The following PARG variants were observed in gnomAD, a reference collection of about 807,000 sequenced individuals.
PARG encodes mitochondrial poly(ADP-ribose) glycohydrolase.
In PARG, 35 loss-of-function variants were observed where a neutral mutation model predicts 113.0. That is an observed-to-expected ratio of 0.31 (90% CI 0.24 to 0.41). The LOEUF (loss-of-function observed/expected upper bound fraction) is 0.41, where lower values mean the gene tolerates loss of function less well. Among genes scored for constraint, PARG ranks in the 10% least tolerant of loss-of-function variants. The pLI, the probability that PARG is intolerant of heterozygous loss-of-function variation, is 1.00. For missense variants in PARG, 797 were observed against 1,169.4 expected (o/e 0.68, Z 4.64); for synonymous variants, 330 against 409.9 (o/e 0.81, Z 2.36).
chr10:49,933,324 C>G lies in PARG; in HGVS notation c.1124G>C (p.Ser375Thr), dbSNP rs1266322622. 1.4e-5 allele frequency: 22 copies of G among 1,611,564 alleles called. No homozygotes were observed. Among genetic ancestry groups the G allele is most frequent in the Non-Finnish European group, 1.6e-5 (19 of 1,178,004 alleles). Residue 375 changes from serine (S) to threonine (T), a missense_variant, in exon 3 of 18, where the codon AGT (serine) becomes ACT (threonine). Physicochemically the swap from Ser to Thr is moderately conservative, Grantham distance 58 (BLOSUM62 1). Around this residue, in one of 5 missense-constraint regions of PARG, gnomAD observed 252 missense variants for 437.4 expected, o/e 0.58. Transcript: ENST00000616448. ...RLHFQFEGGESRTGMNDLNAK... is the reference protein window; with the variant it reads ...RLHFQFEGGETRTGMNDLNAK... ...ATTTAAATCATTCATTCCAGTGCGA[C>G]TCTCTCCTCCTTCAAATTGGAAATG...
chr10:49,933,810 G>A lies in PARG; in HGVS notation c.638C>T (p.Thr213Ile), dbSNP rs1838612105. The A allele has an allele frequency of 5.0e-6, 8 of 1,613,320 alleles. No homozygotes were observed. Among genetic ancestry groups the A allele is most frequent in the Non-Finnish European group, 6.8e-6 (8 of 1,179,288 alleles). ...CTGCTTTGCATTTGCAAGCTTTACAGTTGTGAGAAACTGTTGATTGTCTCT... is the reference window on the plus strand; with the variant it reads ...CTGCTTTGCATTTGCAAGCTTTACAATTGTGAGAAACTGTTGATTGTCTCT... Reference protein sequence around the residue: ...ENRDNQQFLTTVKLANAKQTT... With the variant: ...ENRDNQQFLTIVKLANAKQTT... The change falls in exon 3 of 18, where the codon ACT becomes ATT. Residue 213 changes from threonine (T) to isoleucine (I), a missense_variant. By Grantham distance (89) the Thr-to-Ile change is moderately conservative. This residue lies in a region of PARG where 284 missense variants were observed against 306.1 expected (regional missense o/e 0.93). Transcript: ENST00000616448.
chr10:49,894,451 T>C (rs1847977320), intron 7 of PARG, among the ~76,000 whole-genome samples: 1 of 152,160 alleles, frequency 6.6e-6, no homozygotes, highest in South Asian at 2.1e-4. Flanking sequence ...CTGTAGGTCC[T>C]AGGAAATCTT....
chr10:49,873,437 G>A lies in PARG; in HGVS notation c.1989-3882C>T, dbSNP rs1217580314. Among the ~76,000 whole-genome samples, 11 of 150,838 alleles carry A rather than the reference G, an allele frequency of 7.3e-5. 1 individual carries two copies. The highest frequency in any genetic ancestry group is 6.8e-3 in the Middle Eastern group (2 of 294). On this transcript the variant is annotated intron_variant, in intron 9 of 17. Coordinates refer to ENST00000616448, the MANE Select transcript of PARG (RefSeq NM_003631.5). ...GGACTTTCAGTTGTTTGGCATTTCC[G>A]GAGCACTCAGAGCATTTTGCTCATG... is the stretch of plus-strand genomic sequence containing the variant.
At chr10:49,897,449 T>C (rs1314859150) in intron 7 of PARG, among the ~76,000 whole-genome samples, 2 of 152,206 alleles carry the variant, frequency 1.3e-5, no homozygotes, top group Non-Finnish European at 2.9e-5. Flanking sequence ...CAAATGTACA[T>C]ACTTGTATTA....
At chr10:49,920,466 ATATATATATAT>A (rs1564658313) in intron 6 of PARG, among the ~76,000 whole-genome samples, 109 of 70,594 alleles carry the variant, frequency 1.5e-3, no homozygotes, top group East Asian at 0.014. Context: ...AAAAAAAAAT[ATATATATATAT>A]ATATATATAT....
At chr10:49,832,976 C>G in intron 15 of PARG, 68 bp from the exon 16 acceptor site, 3 of 756,372 alleles carry the variant, frequency 4.0e-6, no homozygotes, top group Non-Finnish European at 6.4e-6. Context: ...GACTGATGTA[C>G]TAGGATCAGT....
chr10:49,864,240 C>T (rs564155793), intron 11 of PARG, among the ~76,000 whole-genome samples: 84 of 152,238 alleles, frequency 5.5e-4, no homozygotes, highest in African/African-American at 1.8e-3. Context: ...AAATGCTGTA[C>T]GTGTTCTCAT....
In PARG at chr10:49,820,264, C is replaced by T. The variant is rs748955887; in HGVS notation, c.2677G>A (p.Ala893Thr). Residue 893 changes from alanine (A) to threonine (T), a missense_variant, in exon 17 of 18, where the codon GCT becomes ACT. This residue lies in a region of PARG where 194 missense variants were observed against 247.1 expected (regional missense o/e 0.79). Coordinates refer to ENST00000616448, the MANE Select transcript of PARG (RefSeq NM_003631.5). ...GTGAAATAAACCACATCTCGCTCAGCTGCAGCAGCTGCCAATATCTGTATT... is the reference window on the plus strand; with the variant it reads ...GTGAAATAAACCACATCTCGCTCAGTTGCAGCAGCTGCCAATATCTGTATT... ...ALIQILAAAA[A>T]ERDVVYFTFG... 3.9e-6 allele frequency: 6 copies of T among 1,547,430 alleles called. No individual in the cohort carries two copies. In the Admixed American group the frequency reaches 7.8e-5, roughly 20 times the overall value.
Position 49,933,573 on chromosome 10 carries a change from G to A in PARG, c.875C>T (p.Pro292Leu), listed in dbSNP as rs1252452927. The change falls in exon 3 of 18, where the codon CCT becomes CTT. Residue 292 changes from proline (P) to leucine (L), a missense_variant. By Grantham distance (98) the Pro-to-Leu change is moderately conservative. This residue lies in a region of PARG where 284 missense variants were observed against 306.1 expected (regional missense o/e 0.93). Coordinates refer to ENST00000616448, the MANE Select transcript of PARG (RefSeq NM_003631.5). ...GGGTTCACTTTCCTTCTCAAATGGAGGAGAATTTCCTAGGCAACTTTCTTG... is the reference window on the plus strand; with the variant it reads ...GGGTTCACTTTCCTTCTCAAATGGAAGAGAATTTCCTAGGCAACTTTCTTG... The part of the protein sequence containing the change: ...TRQESCLGNS[P>L]PFEKESEPES... 6.2e-7 allele frequency: 1 copy of A among 1,611,456 alleles called. No individual in the cohort carries two copies. Among genetic ancestry groups the A allele is most frequent in the Non-Finnish European group, 8.5e-7 (1 of 1,177,872 alleles).
rs1564594692 is a variant in PARG, at chr10:49,828,097, A to AC, written c.2647+4705_2647+4706insG. Among the ~76,000 whole-genome samples, 4 of 143,280 alleles carry AC rather than the reference A, an allele frequency of 2.8e-5. No individual in the cohort carries two copies. In the Admixed American group the frequency reaches 2.9e-4, roughly 10 times the overall value. 94.0% of individuals were successfully genotyped at this position (143,280 alleles called of 152,430 possible). A position where few individuals can be genotyped will look rare whatever the true frequency, so the allele number is the denominator to read the frequency against. ...CGAGATGTAGAAAGCTTAAACAAAA[A>AC]AAAAAAAAAAAAAAAAAAAAAAAAA... On this transcript the variant is annotated intron_variant, in intron 16 of 17. Transcript: ENST00000616448.
chr10:49,837,108 G>T (rs1359893789), intron 15 of PARG, among the ~76,000 whole-genome samples: 1 of 152,098 alleles, frequency 6.6e-6, no homozygotes, highest in Non-Finnish European at 1.5e-5. Context: ...GATAGAAGGA[G>T]ACTGGTCCCC....
intron 7 of PARG, among the ~76,000 whole-genome samples, chr10:49,911,722 CT>C (rs1837196466): frequency 6.6e-6 from 1 of 150,736 alleles, no homozygotes; most frequent in South Asian, 2.1e-4. Context: ...CCAGGGTGGG[CT>C]TCTGGGCACC....
intron 6 of PARG, among the ~76,000 whole-genome samples, chr10:49,920,731 G>T (rs1448817912): frequency 1.3e-5 from 2 of 151,382 alleles, no homozygotes; most frequent in South Asian, 4.2e-4. Flanking sequence ...AACTCTAGCA[G>T]AACTTGAGAT....
chr10:49,854,814 C>A (rs534886783), intron 13 of PARG, among the ~76,000 whole-genome samples: 190 of 149,760 alleles, frequency 1.3e-3, no homozygotes, highest in Non-Finnish European at 2.1e-3. Flanking sequence ...AGAAAGAACA[C>A]AGACATCACA....
chr10:49,839,189 T>C (rs530404334), intron 15 of PARG, among the ~76,000 whole-genome samples: 3 of 151,886 alleles, frequency 2.0e-5, no homozygotes, highest in Admixed American at 2.0e-4. Context: ...ATAGAAAAAT[T>C]AGCCTGGCGT....
At chr10:49,893,620 C>T (rs1480680003) in intron 7 of PARG, among the ~76,000 whole-genome samples, 1 of 152,150 alleles carries the variant, frequency 6.6e-6, no homozygotes, top group African/African-American at 2.4e-5. Flanking sequence ...AGGCATCAAC[C>T]CTGTCACCCT....
At chr10:49,908,766 A>G (rs1244064615) in intron 7 of PARG, among the ~76,000 whole-genome samples, 1 of 152,150 alleles carries the variant, frequency 6.6e-6, no homozygotes, top group Non-Finnish European at 1.5e-5. Flanking sequence ...AGTGTTATCA[A>G]AAAACCAAAC....
intron 7 of PARG, among the ~76,000 whole-genome samples, chr10:49,896,162 T>C (rs1293095183): frequency 7.2e-5 from 11 of 152,232 alleles, no homozygotes; most frequent in African/African-American, 2.4e-4. Flanking sequence ...TTCTTGCTTT[T>C]CCCCCAATCT....
chr10:49,914,320 C>T (rs7075365), intron 7 of PARG, among the ~76,000 whole-genome samples: 65,814 of 152,034 alleles, frequency 0.43, 16,647 homozygotes, highest in East Asian at 0.59. Flanking sequence ...ACGATTATAT[C>T]GGTTTGATCT....
Sources: gnomAD v4.1 joint callset for allele counts (sites outside exome capture counted in the v4.1 genomes callset) on GRCh38, gnomAD v4.1.1 for gene constraint, gnomAD v4.1.1 regional missense constraint, MANE v1.5 for transcripts, NCBI Gene and HGNC (gene_info 2026-07-23, HGNC 2026-07-21) for gene names.